The following CRYBB2 variants were observed in gnomAD, a reference collection of about 807,000 sequenced individuals.
CRYBB2 encodes the protein crystallin beta B2, also known as beta-crystallin B2.
In CRYBB2, 12 loss-of-function variants were observed where a neutral mutation model predicts 24.3. The observed-to-expected ratio is 0.49, with a 90% CI of 0.32 to 0.80. The LOEUF is 0.80. CRYBB2 is among the 30% of genes least tolerant of loss of function. The probability of loss-of-function intolerance (pLI) is 0.04; values close to 1 mark genes in which losing one functional copy is unlikely to be tolerated. For synonymous variants in CRYBB2, 98 were observed against 101.6 expected (o/e 0.96, Z 0.21); for missense variants, 198 against 268.5 (o/e 0.74, Z 1.83).
At chr22:25,225,736 C>T (rs530776813) in intron 3 of CRYBB2, among the ~76,000 whole-genome samples, 4 of 152,190 alleles carry the variant, frequency 2.6e-5, no homozygotes, top group Non-Finnish European at 5.9e-5. Context: ...GGCTGGAAAT[C>T]CTAAGGTGAC....
At chr22:25,216,053 T>C (rs1206386210), upstream of CRYBB2, among the ~76,000 whole-genome samples, 3 of 152,092 alleles carry the variant, frequency 2.0e-5, no homozygotes, top group African/African-American at 4.8e-5. Flanking sequence ...AAAAGATGAG[T>C]ATGGACAGTG....
upstream of CRYBB2, among the ~76,000 whole-genome samples, chr22:25,212,183 G>A (rs971606920): frequency 2.0e-5 from 3 of 152,196 alleles, no homozygotes; most frequent in African/African-American, 4.8e-5. Flanking sequence ...CCAGAGCTCC[G>A]TTCCAGACAC....
rs745672434 is a variant in CRYBB2 at position 25,227,963 on chromosome 22, G to A, written c.284G>A (p.Ser95Asn). Residue 95 changes from serine to asparagine, a missense_variant, in exon 4 of 6, where the codon AGC (serine) becomes AAC (asparagine). Coordinates refer to ENST00000398215, the MANE Select transcript of CRYBB2 (RefSeq NM_000496.3). ...WTSSRRTDSL[S>N]SLRPIKVDSQ... ...AGCAGCCGAAGGACGGACTCCCTCA[G>A]CTCCCTGAGGCCCATCAAAGTGGTG... is the stretch of plus-strand genomic sequence containing the variant. 1.2e-6 allele frequency: 2 copies of A among 1,614,118 alleles called. No homozygotes were observed. Among genetic ancestry groups the A allele is most frequent in the East Asian group, 2.2e-5 (1 of 44,874 alleles).
intron 3 of CRYBB2, among the ~76,000 whole-genome samples, chr22:25,226,915 C>T (rs1254236226): frequency 6.6e-6 from 1 of 152,146 alleles, no homozygotes. Context: ...CTCAGGTGAT[C>T]CGCTCACCTC....
At chr22:25,220,832 T>A (rs1935307022) in intron 1 of CRYBB2, among the ~76,000 whole-genome samples, 1 of 152,154 alleles carries the variant, frequency 6.6e-6, no homozygotes, top group Non-Finnish European at 1.5e-5. Context: ...TAATGTGGGT[T>A]CTGTATCAGA....
upstream of CRYBB2, among the ~76,000 whole-genome samples, chr22:25,216,266 T>C (rs1484143663): frequency 6.6e-6 from 1 of 152,096 alleles, no homozygotes; most frequent in African/African-American, 2.4e-5. Context: ...GGAAATAGGG[T>C]CTTTACAGAA....
At chr22:25,211,951 C>T (rs1353271019), upstream of CRYBB2, among the ~76,000 whole-genome samples, 1 of 152,216 alleles carries the variant, frequency 6.6e-6, no homozygotes, top group African/African-American at 2.4e-5. Flanking sequence ...CACTGTTTGC[C>T]TTTGGGCAAG....
chr22:25,227,710 GTGCTAA>G, intron 3 of CRYBB2, 137 bp from the exon 4 acceptor site: 9 of 1,408,860 alleles, frequency 6.4e-6, no homozygotes, highest in Admixed American at 1.7e-5. Flanking sequence ...TGGATTTGCT[GTGCTAA>G]GGTTTGGGTG....
In CRYBB2 at chr22:25,231,808, G is replaced by A. The variant is rs368754087; in HGVS notation, c.*36G>A. 2.4e-5 allele frequency: 39 copies of A among 1,606,618 alleles called. No homozygotes were observed. The highest frequency in any genetic ancestry group is 3.2e-5 in the Non-Finnish European group (38 of 1,173,264). On this transcript the variant is annotated 3_prime_UTR_variant, in exon 6 of 6. Transcript: ENST00000398215. The stretch of plus-strand genomic sequence containing the variant: ...ACCATGCCTCCTTCCCAGGACCCAG[G>A]TCTGCTGCCCAGGAACCCTCCAGAC...
chr22:25,221,414 C>T lies in CRYBB2; in HGVS notation c.-16C>T. The T allele has an allele frequency of 1.2e-6, 2 of 1,612,054 alleles. No individual in the cohort carries two copies. Among genetic ancestry groups the T allele is most frequent in the Non-Finnish European group, 1.7e-6 (2 of 1,178,116 alleles). The stretch of plus-strand genomic sequence containing the variant: ...TCCCATGTCTTCCAGGTCATTCCTG[C>T]ACAGGACAGTCCACCATGGCCTCAG... On this transcript the variant is annotated 5_prime_UTR_variant, in exon 2 of 6. Transcript: ENST00000398215.
At chr22:25,224,742 G>A (rs1474168338) in intron 2 of CRYBB2, among the ~76,000 whole-genome samples, 176 bp from the exon 3 acceptor site, 1 of 152,066 alleles carries the variant, frequency 6.6e-6, no homozygotes, top group Admixed American at 6.5e-5. Context: ...CAGGCTCAAG[G>A]TCCCACGGCT....
In CRYBB2 at chr22:25,227,932, T is replaced by C. The variant is rs1365893541; in HGVS notation, c.253T>C (p.Trp85Arg). Residue 85 changes from tryptophan to arginine, a missense_variant, in exon 4 of 6, where the codon TGG (tryptophan) becomes CGG (arginine). Trp to Arg is a moderately radical substitution (Grantham distance 101). Transcript: ENST00000398215. The part of the protein sequence containing the change: ...EKGEYPRWDS[W>R]TSSRRTDSLS... Reference sequence around the variant, plus strand: ...GGGTGAGTACCCCCGCTGGGACTCATGGACCAGCAGCCGAAGGACGGACTC... The same window carrying C: ...GGGTGAGTACCCCCGCTGGGACTCACGGACCAGCAGCCGAAGGACGGACTC... 9.9e-6 allele frequency: 16 copies of C among 1,614,004 alleles called. No individual in the cohort carries two copies. The highest frequency in any genetic ancestry group is 6.7e-5 in the African/African-American group (5 of 74,916).
At chr22:25,218,779 GAAGAAAGAA>G (rs1935251806), upstream of CRYBB2, among the ~76,000 whole-genome samples, 16 of 34,532 alleles carry the variant, frequency 4.6e-4, 1 homozygote, top group African/African-American at 1.2e-3. Context: ...GAGAGAGAGA[GAAGAAAGAA>G]AGAAAGAAAG....
At chr22:25,218,814 G>GAAAGAAAGAAAGAAAGA, upstream of CRYBB2, among the ~76,000 whole-genome samples, 49 of 126,386 alleles carry the variant, frequency 3.9e-4, 4 homozygotes, top group African/African-American at 1.5e-3. Context: ...AAGAAAGAAA[G>GAAAGAAAGAAAGAAAGA]AAAGAAAGAA....
In CRYBB2 at chr22:25,227,207, A is replaced by G. The variant is rs907382885; in HGVS notation, c.174-646A>G. On this transcript the variant is annotated intron_variant, in intron 3 of 5. Transcript: ENST00000398215. ...TTCCTTCTATTTTCTGCTTTCCTCT[A>G]TTAGCCATGCCCGACCTGAAAGCCA... 2.0e-5 allele frequency among the ~76,000 whole-genome samples: 3 copies of G among 152,284 alleles called. No individual in the cohort carries two copies. The East Asian group carries it at 5.8e-4, about 29-fold the overall frequency.
intron 4 of CRYBB2, among the ~76,000 whole-genome samples, chr22:25,229,066 T>TGTGTGCGTGTGCACACATGTGTGG (rs1935483162): frequency 1.3e-5 from 2 of 148,230 alleles, no homozygotes; most frequent in Admixed American, 6.7e-5. Context: ...CGTGTGTGCA[T>TGTGTGCGTGTGCACACATGTGTGG]GTGTGCGTGT....
upstream of CRYBB2, among the ~76,000 whole-genome samples, chr22:25,218,791 A>AAAG (rs1555888294): frequency 9.4e-6 from 1 of 106,570 alleles, no homozygotes; most frequent in Non-Finnish European, 1.8e-5. Flanking sequence ...AGAAAGAAAG[A>AAAG]AAGAAAGAAA....
At position 25,224,904 on chromosome 22, in the gene CRYBB2, G is replaced by A. The variant is rs761869368; in HGVS notation, c.55-14G>A. ...TCATCGTGATGAGGGTCTGAGTCTC[G>A]CTTCCTCTTGCAGATCATCATCTTT... On this transcript the variant is annotated splice_polypyrimidine_tract_variant and intron_variant, in intron 2 of 5. Coordinates refer to ENST00000398215, the MANE Select transcript of CRYBB2 (RefSeq NM_000496.3). 1.5e-5 allele frequency: 21 copies of A among 1,411,832 alleles called. No individual in the cohort carries two copies. The South Asian group carries it at 1.5e-4, about 10-fold the overall frequency. The allele number at this position is 1,411,832 out of a possible 1,614,324, so 87.5% of individuals were successfully genotyped here. A position where few individuals can be genotyped will look rare whatever the true frequency, so the allele number is the denominator to read the frequency against.
chr22:25,213,080 A>C (rs779604054), intron 1 of CRYBB2, among the ~76,000 whole-genome samples: 6 of 152,230 alleles, frequency 3.9e-5, no homozygotes, highest in Non-Finnish European at 8.8e-5. Flanking sequence ...TTTATAATAC[A>C]GTTAGAGTTA....
Sources: allele counts gnomAD v4.1 joint callset (sites outside exome capture counted in the v4.1 genomes callset), GRCh38; gene constraint gnomAD v4.1.1; transcripts MANE v1.5; gene names NCBI Gene and HGNC (gene_info 2026-07-23, HGNC 2026-07-21).